ROBO2: variants seen among roughly 807,000 people sequenced by gnomAD.
The protein encoded by ROBO2 is roundabout homolog 2.
In ROBO2, 53 loss-of-function variants were observed where a neutral mutation model predicts 160.8. That is an observed-to-expected ratio of 0.33 (90% CI 0.26 to 0.41). The LOEUF is 0.41. ROBO2 is among the 10% of genes least tolerant of loss of function. The pLI, the probability that ROBO2 is intolerant of heterozygous loss-of-function variation, is 1.00. For missense variants in ROBO2, 1,577 were observed against 1,722.4 expected, an observed-to-expected ratio of 0.92 and a Z score of 1.49; for synonymous variants, 664 against 611.7, an observed-to-expected ratio of 1.09 and a Z score of -1.26.
chr3:77,585,209 A>T (rs1159460307), intron 16 of ROBO2, among the ~76,000 whole-genome samples: 2 of 151,040 alleles, frequency 1.3e-5, no homozygotes, highest in African/African-American at 4.8e-5. Context: ...CTTCCTAGTG[A>T]CTATCTGTTT....
At chr3:77,504,887 T>G (rs1039929039) in intron 5 of ROBO2, among the ~76,000 whole-genome samples, 1 of 152,170 alleles carries the variant, frequency 6.6e-6, no homozygotes, top group Admixed American at 6.5e-5. Context: ...TATTCCTATA[T>G]GAAACTAGAG....
chr3:77,638,929 C>G (rs138320067), intron 24 of ROBO2, among the ~76,000 whole-genome samples: 2 of 145,770 alleles, frequency 1.4e-5, no homozygotes, highest in Admixed American at 1.5e-4. Context: ...CGGGTTCAAG[C>G]GATTCTCCTG....
At chr3:77,164,425 C>T (rs566194710) in intron 2 of ROBO2, among the ~76,000 whole-genome samples, 20 of 122,296 alleles carry the variant, frequency 1.6e-4, no homozygotes, top group East Asian at 4.9e-4. Flanking sequence ...CCGCCCCGTC[C>T]GGGAGGGAGG....
intron 1 of ROBO2, among the ~76,000 whole-genome samples, chr3:77,080,917 T>G (rs2068586008): frequency 6.6e-6 from 1 of 152,200 alleles, no homozygotes; most frequent in Non-Finnish European, 1.5e-5. Context: ...TACATTATGG[T>G]TTTTATAAGG....
chr3:77,592,694 G>A (rs1177345064), intron 17 of ROBO2, among the ~76,000 whole-genome samples: 1 of 152,142 alleles, frequency 6.6e-6, no homozygotes. Flanking sequence ...TGGGATTACA[G>A]GCACTTGCCA....
intron 2 of ROBO2, among the ~76,000 whole-genome samples, chr3:77,241,794 A>G (rs1433622610): frequency 1.3e-5 from 2 of 152,178 alleles, no homozygotes; most frequent in Non-Finnish European, 2.9e-5. Context: ...ATTAATCAAT[A>G]CCAGGAAGCA....
chr3:77,094,226 G>A (rs1261168492), intron 1 of ROBO2, among the ~76,000 whole-genome samples: 1 of 152,026 alleles, frequency 6.6e-6, no homozygotes, highest in East Asian at 1.9e-4. Context: ...CTCTGGACAT[G>A]TCATATAAAT....
intron 1 of ROBO2, among the ~76,000 whole-genome samples, chr3:77,053,545 C>T (rs1378117188): frequency 6.6e-6 from 1 of 151,990 alleles, no homozygotes; most frequent in East Asian, 1.9e-4. Context: ...AAAAATGTAA[C>T]GATTTGGTGG....
At chr3:76,898,615 T>C (rs1443558823) in intron 2 of ROBO2, among the ~76,000 whole-genome samples, 2 of 152,130 alleles carry the variant, frequency 1.3e-5, no homozygotes, top group African/African-American at 2.4e-5. Context: ...ATTCTCAATT[T>C]GAAGTTCAGA....
At chr3:77,503,631 A>AT (rs2087998273) in intron 5 of ROBO2, among the ~76,000 whole-genome samples, 2 of 151,902 alleles carry the variant, frequency 1.3e-5, no homozygotes, top group Non-Finnish European at 2.9e-5. Flanking sequence ...TAAGAGTATG[A>AT]TTTTTGCTAA....
intron 2 of ROBO2, among the ~76,000 whole-genome samples, chr3:76,123,265 T>A (rs1040296660): frequency 6.6e-6 from 1 of 152,158 alleles, no homozygotes; most frequent in Non-Finnish European, 1.5e-5. Flanking sequence ...TTCCGTGTAT[T>A]TTTCCCTATT....
At chr3:77,561,546 T>G (rs1318355916) in intron 9 of ROBO2, among the ~76,000 whole-genome samples, 1 of 152,192 alleles carries the variant, frequency 6.6e-6, no homozygotes, top group Non-Finnish European at 1.5e-5. Context: ...CTTGATTATA[T>G]TATCAACTTT....
chr3:76,035,542 C>G (rs2067078326), intron 2 of ROBO2, among the ~76,000 whole-genome samples: 1 of 151,898 alleles, frequency 6.6e-6, no homozygotes, highest in Admixed American at 6.6e-5. Flanking sequence ...CATAAAATAA[C>G]CAGCAGACTG....
At chr3:76,559,071 A>G (rs1400753416) in intron 2 of ROBO2, among the ~76,000 whole-genome samples, 2 of 152,138 alleles carry the variant, frequency 1.3e-5, no homozygotes, top group Non-Finnish European at 2.9e-5. Flanking sequence ...TGGTATTTAC[A>G]TACGGGGCAA....
intron 2 of ROBO2, among the ~76,000 whole-genome samples, chr3:77,415,200 T>A (rs2153526493): frequency 6.6e-6 from 1 of 152,282 alleles, no homozygotes; most frequent in African/African-American, 2.4e-5. Context: ...AATGCTCAAC[T>A]TTGTCTGGGA....
At chr3:75,986,955 C>A (rs890881607) in intron 2 of ROBO2, among the ~76,000 whole-genome samples, 4 of 151,596 alleles carry the variant, frequency 2.6e-5, no homozygotes, top group African/African-American at 9.7e-5. Context: ...CCTGTGGCAC[C>A]CTGTTTTGAT....
chr3:77,278,317 A>G (rs2153367603), intron 2 of ROBO2, among the ~76,000 whole-genome samples: 1 of 152,266 alleles, frequency 6.6e-6, no homozygotes, highest in Non-Finnish European at 1.5e-5. Context: ...TCCTCCATTC[A>G]ATCTCTACTC....
At chr3:76,401,595 T>TG (rs1413576195) in intron 2 of ROBO2, among the ~76,000 whole-genome samples, 1 of 151,486 alleles carries the variant, frequency 6.6e-6, no homozygotes, top group Non-Finnish European at 1.5e-5. Flanking sequence ...AAATTTATGA[T>TG]GGTGTTGCAA....
intron 6 of ROBO2, among the ~76,000 whole-genome samples, chr3:77,525,715 A>G: frequency 6.6e-6 from 1 of 151,158 alleles, no homozygotes; most frequent in East Asian, 1.9e-4. Context: ...AATTTTTTGG[A>G]ATTATTCTAT....
Sources: allele counts gnomAD v4.1 joint callset (sites outside exome capture counted in the v4.1 genomes callset), GRCh38; gene constraint gnomAD v4.1.1; transcripts MANE v1.5; gene names NCBI Gene and HGNC (gene_info 2026-07-23, HGNC 2026-07-21).